The following MCC variants were observed in gnomAD, a reference collection of about 807,000 sequenced individuals.
MCC encodes colorectal mutant cancer protein.
A neutral mutation model predicts 116.2 loss-of-function variants in MCC; 90 were observed. The ratio of observed to expected loss-of-function variants is 0.77; its 90% CI spans 0.65 to 0.92. The LOEUF (loss-of-function observed/expected upper bound fraction) is 0.92. Ranked by LOEUF, MCC falls within the 40% of genes least tolerant of loss-of-function variation. The pLI is 0.00. For missense variants in MCC, 1,516 were observed against 1,312.2 expected, an observed-to-expected ratio of 1.16 and a Z score of -2.40; for synonymous variants, 578 against 510.5, an observed-to-expected ratio of 1.13 and a Z score of -1.78.
intron 2 of MCC, among the ~76,000 whole-genome samples, chr5:113,358,645 A>G (rs1768471081): frequency 6.6e-6 from 1 of 152,202 alleles, no homozygotes; most frequent in South Asian, 2.1e-4. Flanking sequence ...AATCCTTTCA[A>G]TATACCAGAA....
intron 3 of MCC, among the ~76,000 whole-genome samples, chr5:113,211,242 G>A (rs895892725): frequency 2.6e-5 from 4 of 152,266 alleles, no homozygotes; most frequent in African/African-American, 9.6e-5. Flanking sequence ...CAGTGAGAAG[G>A]TGGCTGTCTA....
intron 3 of MCC, among the ~76,000 whole-genome samples, chr5:113,184,558 G>A (rs1488200306): frequency 6.7e-6 from 1 of 149,646 alleles, no homozygotes; most frequent in East Asian, 2.0e-4. Flanking sequence ...AGTCTCCTGG[G>A]ATCAAGCAAT....
chr5:113,420,571 G>A (rs1770303259), intron 1 of MCC, among the ~76,000 whole-genome samples: 1 of 152,208 alleles, frequency 6.6e-6, no homozygotes, highest in African/African-American at 2.4e-5. Flanking sequence ...CAAAACTGAA[G>A]TTTGGAACCA....
chr5:113,274,883 C>G (rs2150354538), intron 3 of MCC, among the ~76,000 whole-genome samples: 1 of 152,260 alleles, frequency 6.6e-6, no homozygotes, highest in African/African-American at 2.4e-5. Flanking sequence ...ATACCTTATG[C>G]TTGAGAAAAT....
chr5:113,194,822 G>A (rs1409321459), intron 3 of MCC, among the ~76,000 whole-genome samples: 1 of 152,142 alleles, frequency 6.6e-6, no homozygotes, highest in Non-Finnish European at 1.5e-5. Context: ...ATTCCTCGAG[G>A]ACTCATTGTG....
chr5:113,163,805 A>G (rs1561417808), intron 3 of MCC, among the ~76,000 whole-genome samples: 1 of 152,214 alleles, frequency 6.6e-6, no homozygotes, highest in Admixed American at 6.5e-5. Flanking sequence ...GTGTAACTAC[A>G]CTTAAGATAG....
intron 3 of MCC, among the ~76,000 whole-genome samples, chr5:113,249,413 T>C (rs763919935): frequency 6.6e-6 from 1 of 152,176 alleles, no homozygotes; most frequent in African/African-American, 2.4e-5. Flanking sequence ...ATTCCTTATA[T>C]CTCTGCATTG....
intron 14 of MCC, among the ~76,000 whole-genome samples, chr5:113,055,586 T>C (rs1561760658): frequency 1.3e-5 from 2 of 152,142 alleles, no homozygotes; most frequent in Non-Finnish European, 2.9e-5. Flanking sequence ...CTAGAAACCC[T>C]TTGGGGCTGC....
chr5:113,272,449 T>C (rs1395930045), intron 3 of MCC, among the ~76,000 whole-genome samples: 1 of 152,236 alleles, frequency 6.6e-6, no homozygotes, highest in East Asian at 1.9e-4. Context: ...CTGACAGATC[T>C]AAATAAAAAA....
chr5:113,384,068 CT>C (rs202105561), intron 2 of MCC, among the ~76,000 whole-genome samples: 5 of 104,766 alleles, frequency 4.8e-5, no homozygotes, highest in Non-Finnish European at 9.7e-5. Context: ...CCTTTCTTTC[CT>C]TTTTAACTTT....
intron 3 of MCC, among the ~76,000 whole-genome samples, chr5:113,276,925 C>T (rs1215683341): frequency 6.6e-6 from 1 of 151,536 alleles, no homozygotes; most frequent in Admixed American, 6.6e-5. Context: ...AGGTGTGAGC[C>T]ATTGCACCTG....
intron 3 of MCC, among the ~76,000 whole-genome samples, chr5:113,287,654 T>C (rs1766316394): frequency 6.6e-6 from 1 of 152,192 alleles, no homozygotes; most frequent in Non-Finnish European, 1.5e-5. Context: ...TTGCTATAAA[T>C]GCAGGTTTGA....
intron 1 of MCC, among the ~76,000 whole-genome samples, chr5:113,463,416 T>C (rs557941073): frequency 6.6e-5 from 10 of 152,092 alleles, no homozygotes; most frequent in Non-Finnish European, 1.2e-4. Context: ...AGGGTAATCA[T>C]AAGGGAGATG....
At chr5:113,167,167 AACAC>A (rs1034019198) in intron 3 of MCC, among the ~76,000 whole-genome samples, 21 of 152,310 alleles carry the variant, frequency 1.4e-4, no homozygotes, top group Admixed American at 6.5e-4. Flanking sequence ...AAGGTGAGTC[AACAC>A]ACACAGAACA....
chr5:113,386,087 T>C (rs1167905027), intron 1 of MCC, among the ~76,000 whole-genome samples: 1 of 152,244 alleles, frequency 6.6e-6, no homozygotes, highest in Non-Finnish European at 1.5e-5. Context: ...TCTCTCTACC[T>C]AACCTCCTTT....
chr5:113,350,089 A>T (rs1386207433), intron 2 of MCC, among the ~76,000 whole-genome samples: 2 of 152,126 alleles, frequency 1.3e-5, no homozygotes, highest in Non-Finnish European at 2.9e-5. Flanking sequence ...GACTGGAAGA[A>T]CCAATATTGT....
At chr5:113,219,263 G>T (rs932389948) in intron 3 of MCC, among the ~76,000 whole-genome samples, 5 of 152,192 alleles carry the variant, frequency 3.3e-5, no homozygotes, top group Admixed American at 2.0e-4. Flanking sequence ...CTATTGTTTG[G>T]GAGGTGCCGT....
intron 1 of MCC, among the ~76,000 whole-genome samples, chr5:113,390,117 T>G (rs1229149683): frequency 1.3e-5 from 2 of 152,144 alleles, no homozygotes; most frequent in African/African-American, 2.4e-5. Context: ...AAATAAAACT[T>G]TTGTATATTA....
chr5:113,220,311 G>A (rs970305060), intron 3 of MCC, among the ~76,000 whole-genome samples: 26 of 151,506 alleles, frequency 1.7e-4, no homozygotes, highest in South Asian at 4.2e-4. Context: ...CACCCACCTC[G>A]GCCTCCTAAA....
Sources: gnomAD v4.1 joint callset for allele counts (sites outside exome capture counted in the v4.1 genomes callset) on GRCh38, gnomAD v4.1.1 for gene constraint, MANE v1.5 for transcripts, NCBI Gene and HGNC (gene_info 2026-07-23, HGNC 2026-07-21) for gene names.